RPS6KL1: variants seen among roughly 807,000 people sequenced by gnomAD.
RPS6KL1 encodes the protein ribosomal protein S6 kinase-like 1.
In RPS6KL1, 41 loss-of-function variants were observed where a neutral mutation model predicts 57.0. The observed-to-expected ratio is 0.72, with a 90% CI of 0.56 to 0.93. The LOEUF is 0.93. RPS6KL1 is among the 40% of genes least tolerant of loss of function. The pLI, the probability that RPS6KL1 is intolerant of heterozygous loss-of-function variation, is 0.00. For synonymous variants in RPS6KL1, 287 were observed against 309.7 expected (o/e 0.93, Z 0.77); for missense variants, 697 against 727.7 (o/e 0.96, Z 0.49).
At chr14:74,909,434 G>A (rs922897960) in intron 8 of RPS6KL1, 109 bp downstream of exon 8, 5 of 1,405,692 alleles carry the variant, frequency 3.6e-6, no homozygotes, top group African/African-American at 1.4e-5. Flanking sequence ...GCTGGCTGGG[G>A]CCAGGGAGGA....
intron 5 of RPS6KL1, among the ~76,000 whole-genome samples, chr14:74,918,153 C>T (rs1170481582): frequency 6.6e-6 from 1 of 151,272 alleles, no homozygotes; most frequent in Non-Finnish European, 1.5e-5. Flanking sequence ...TGCTATGTTG[C>T]CCTGGTTGGC....
In RPS6KL1 at chr14:74,908,923, C is replaced by A; in HGVS notation, c.1370G>T (p.Gly457Val). 6.2e-7 allele frequency: 1 copy of A among 1,613,528 alleles called. No homozygotes were observed. The highest frequency in any genetic ancestry group is 8.5e-7 in the Non-Finnish European group (1 of 1,179,654). The change falls in exon 10 of 12, where the codon GGG becomes GTG. Residue 457 changes from glycine to valine, a missense_variant. By Grantham distance (109) the Gly-to-Val change is moderately radical. Transcript: ENST00000557413. ...DNLYSAPEVGGISELTEACDW... is the reference protein window; with the variant it reads ...DNLYSAPEVGVISELTEACDW... Reference sequence around the variant, plus strand: ...ACAGGCTTCCGTCAGCTCGGAAATCCCACCCACCTCTGTGGGAACAAGAAC... The same window carrying A: ...ACAGGCTTCCGTCAGCTCGGAAATCACACCCACCTCTGTGGGAACAAGAAC...
chr14:74,917,358 G>A (rs529736899), intron 5 of RPS6KL1, among the ~76,000 whole-genome samples: 28 of 152,332 alleles, frequency 1.8e-4, no homozygotes, highest in East Asian at 9.7e-4. Context: ...GGTGCCCAGC[G>A]CGGGGCCTTC....
intron 9 of RPS6KL1, 21 bp downstream of exon 9, chr14:74,909,080 C>G (rs972611565): frequency 6.2e-7 from 1 of 1,611,996 alleles, no homozygotes; most frequent in Non-Finnish European, 8.5e-7. Context: ...TAAGGCCCAC[C>G]CTGGCCTCCC....
chr14:74,919,461 G>T (rs1019575159), intron 4 of RPS6KL1, among the ~76,000 whole-genome samples: 1 of 152,196 alleles, frequency 6.6e-6, no homozygotes, highest in African/African-American at 2.4e-5. Context: ...GGGTGTCGGG[G>T]TCTGCTCCAA....
At position 74,904,522 on chromosome 14, in the gene RPS6KL1, G is replaced by C. The variant is rs1338792162; in HGVS notation, c.*2492C>G. ...TCCATACAGATGGTTGGGGGGCTTAGGATGTTTTTTGTTTTGTTTCCATAA... is the reference window on the plus strand; with the variant it reads ...TCCATACAGATGGTTGGGGGGCTTACGATGTTTTTTGTTTTGTTTCCATAA... On this transcript the variant is annotated 3_prime_UTR_variant, in exon 12 of 12. Coordinates refer to ENST00000557413, the MANE Select transcript of RPS6KL1 (RefSeq NM_031464.5). 2 of 152,284 alleles carry C rather than the reference G, an allele frequency of 1.3e-5. No homozygotes were observed. The highest frequency in any genetic ancestry group is 1.3e-4 in the Admixed American group (2 of 15,288). 9.4% of individuals were successfully genotyped at this position (152,284 alleles called of 1,614,324 possible).
intron 9 of RPS6KL1, 59 bp downstream of exon 9, chr14:74,909,042 C>A: frequency 6.3e-7 from 1 of 1,588,492 alleles, no homozygotes; most frequent in Non-Finnish European, 8.6e-7. Context: ...AGACTCTGGG[C>A]ACAACCCACA....
chr14:74,911,693 G>T, intron 6 of RPS6KL1, 101 bp downstream of exon 6: 1 of 1,107,490 alleles, frequency 9.0e-7, no homozygotes, highest in Non-Finnish European at 1.3e-6. Flanking sequence ...TTTTGTGGGA[G>T]GGAGTGCAGG....
intron 6 of RPS6KL1, 61 bp from the exon 7 acceptor site, chr14:74,911,441 G>A (rs1255291962): frequency 1.0e-5 from 16 of 1,570,204 alleles, no homozygotes; most frequent in Non-Finnish European, 1.3e-5. Context: ...GCTGTTAGGG[G>A]ACCTCCTAGC....
At chr14:74,917,384 C>G (rs370689126) in intron 5 of RPS6KL1, among the ~76,000 whole-genome samples, 1 of 152,210 alleles carries the variant, frequency 6.6e-6, no homozygotes, top group Non-Finnish European at 1.5e-5. Context: ...GGCAGCATGT[C>G]ATCCTCTTGC....
chr14:74,919,956 C>A lies in RPS6KL1; in HGVS notation c.279G>T (p.Lys93Asn), dbSNP rs1347310844. The change falls in exon 4 of 12, where the codon AAG (lysine) becomes AAT (asparagine). Residue 93 changes from lysine (K) to asparagine (N), a missense_variant. Transcript: ENST00000557413. ...TCAGCTTCACAGCCTCACGTCGCTCCTTGTTGGGGTCAACTGTGGGAGACA... is the reference window on the plus strand; with the variant it reads ...TCAGCTTCACAGCCTCACGTCGCTCATTGTTGGGGTCAACTGTGGGAGACA... ...LLRGIHVDPN[K>N]ERREAVKLKI... 6.2e-6 allele frequency: 10 copies of A among 1,614,068 alleles called. No individual in the cohort carries two copies. Among genetic ancestry groups the A allele is most frequent in the Non-Finnish European group, 8.5e-6 (10 of 1,180,036 alleles).
intron 5 of RPS6KL1, among the ~76,000 whole-genome samples, chr14:74,915,163 T>G (rs1469659498): frequency 6.6e-6 from 1 of 152,218 alleles, no homozygotes; most frequent in African/African-American, 2.4e-5. Flanking sequence ...ATTGAGCACT[T>G]GAAATGTGAC....
Position 74,921,572 on chromosome 14 carries a change from C to A in RPS6KL1, c.-20-11G>T, listed in dbSNP as rs1466728975. 6.2e-7 allele frequency: 1 copy of A among 1,607,570 alleles called. No homozygotes were observed. The stretch of plus-strand genomic sequence containing the variant: ...CCCTGCAGCTGGGACCTGGAATGGG[C>A]AAATGCATTAGGGAGGACCTAGCTG... On this transcript the variant is annotated splice_polypyrimidine_tract_variant and intron_variant, in intron 2 of 11. Transcript: ENST00000557413.
rs143991383 is a variant in RPS6KL1 at position 74,909,927 on chromosome 14, T to C, written c.886A>G (p.Thr296Ala). The change falls in exon 8 of 12, where the codon ACC (threonine) becomes GCC (alanine). Residue 296 changes from threonine to alanine, a missense_variant. Thr to Ala is a moderately conservative substitution (Grantham distance 58, BLOSUM62 0). Coordinates refer to ENST00000557413, the MANE Select transcript of RPS6KL1 (RefSeq NM_031464.5). ...NLLLAGEAPS[T>A]RPQREAEGEP... ...CCTTCAGCCTCCCTCTGGGGTCTGG[T>C]GGATGGGGCCTCCCCAGCTAGGAGA... 14 of 1,613,852 alleles carry C rather than the reference T, an allele frequency of 8.7e-6. 1 individual carries two copies. The African/African-American group carries it at 1.6e-4, about 18-fold the overall frequency.
chr14:74,907,022 C>G lies in RPS6KL1; in HGVS notation c.1642G>C (p.Val548Leu), dbSNP rs577376442. Residue 548 changes from valine to leucine, a missense_variant, in exon 12 of 12, where the codon GTG (valine) becomes CTG (leucine). Val to Leu is a conservative substitution (Grantham distance 32, BLOSUM62 1). Coordinates refer to ENST00000557413, the MANE Select transcript of RPS6KL1 (RefSeq NM_031464.5). Reference sequence around the variant, plus strand: ...TCACCCGCTCTGCCCTCTTACCCCACCAGCTTGCTCCATTGGATGGTACTG... The same window carrying G: ...TCACCCGCTCTGCCCTCTTACCCCAGCAGCTTGCTCCATTGGATGGTACTG... ...FFSTIQWSKL[V>L]G 2.5e-6 allele frequency: 4 copies of G among 1,610,298 alleles called. No individual in the cohort carries two copies. In the East Asian group the frequency reaches 8.9e-5, roughly 36 times the overall value.
At position 74,918,611 on chromosome 14, in the gene RPS6KL1, G is replaced by A; in HGVS notation, c.391-6C>T. The A allele has an allele frequency of 2.0e-6, 3 of 1,532,856 alleles. No homozygotes were observed. The highest frequency in any genetic ancestry group is 2.6e-6 in the Non-Finnish European group (3 of 1,145,088). The allele number at this position is 1,532,856 out of a possible 1,614,324, so 95.0% of individuals were successfully genotyped here. ...AGCCTCAGGCTGCTGAAACCCTGCA[G>A]AGGAGGGAGACAGGCCACACACAGC... On this transcript the variant is annotated splice_polypyrimidine_tract_variant and splice_region_variant and intron_variant, in intron 4 of 11. Coordinates refer to ENST00000557413, the MANE Select transcript of RPS6KL1 (RefSeq NM_031464.5).
chr14:74,906,946 T>G lies in RPS6KL1; in HGVS notation c.*68A>C. On this transcript the variant is annotated 3_prime_UTR_variant, in exon 12 of 12. Transcript: ENST00000557413. ...CGCTGATAGAGGGCCAGCCCTGGGT[T>G]GGGTGTCAGGCAAGGAGGAGAGGCG... The G allele has an allele frequency of 8.3e-7, 1 of 1,205,552 alleles. No homozygotes were observed. Among genetic ancestry groups the G allele is most frequent in the Non-Finnish European group, 1.2e-6 (1 of 815,276 alleles). The allele number at this position is 1,205,552 out of a possible 1,614,324, so 74.7% of individuals were successfully genotyped here. A position where few individuals can be genotyped will look rare whatever the true frequency, so the allele number is the denominator to read the frequency against.
chr14:74,908,434 C>T lies in RPS6KL1; in HGVS notation c.1443+416G>A, dbSNP rs1349154375. On this transcript the variant is annotated intron_variant, in intron 10 of 11. Coordinates refer to ENST00000557413, the MANE Select transcript of RPS6KL1 (RefSeq NM_031464.5). ...CAGGCTGGACAGGGCAGCTGCTTGCCTGGGTGAAAGAGCCCCTCTCTCCCA... is the reference window on the plus strand; with the variant it reads ...CAGGCTGGACAGGGCAGCTGCTTGCTTGGGTGAAAGAGCCCCTCTCTCCCA... Among the ~76,000 whole-genome samples the T allele has an allele frequency of 3.3e-5, 5 of 152,154 alleles. 1 individual carries two copies. Among genetic ancestry groups the T allele is most frequent in the Non-Finnish European group, 7.4e-5 (5 of 68,016 alleles).
rs972855793 is a variant in RPS6KL1 at position 74,909,960 on chromosome 14, G to A, written c.853C>T (p.Pro285Ser). The A allele has an allele frequency of 3.7e-6, 6 of 1,614,014 alleles. No individual in the cohort carries two copies. The highest frequency in any genetic ancestry group is 5.1e-6 in the Non-Finnish European group (6 of 1,179,988). The change falls in exon 8 of 12, where the codon CCG (proline) becomes TCG (serine). Residue 285 changes from proline to serine, a missense_variant. By Grantham distance (74) the Pro-to-Ser change is moderately conservative (BLOSUM62 -1). Transcript: ENST00000557413. ...GCCTCCCCAGCTAGGAGAAGGTTCGGAGAAGTCCTAGGAGGCTCCAGGGCG... is the reference window on the plus strand; with the variant it reads ...GCCTCCCCAGCTAGGAGAAGGTTCGAAGAAGTCCTAGGAGGCTCCAGGGCG... The part of the protein sequence containing the change: ...RIALEPPRTS[P>S]NLLLAGEAPS...
Sources: gnomAD v4.1 joint callset for allele counts (sites outside exome capture counted in the v4.1 genomes callset) on GRCh38, gnomAD v4.1.1 for gene constraint, MANE v1.5 for transcripts, NCBI Gene and HGNC (gene_info 2026-07-23, HGNC 2026-07-21) for gene names.